SART3: variants seen among roughly 807,000 people sequenced by gnomAD.
SART3 encodes spliceosome associated factor 3, U4/U6 recycling protein.
A neutral mutation model predicts 122.3 loss-of-function variants in SART3; 44 were observed. That is an observed-to-expected ratio of 0.36 (90% CI 0.28 to 0.46). The LOEUF (loss-of-function observed/expected upper bound fraction) is 0.46, where lower values mean the gene tolerates loss of function less well. Ranked by LOEUF, SART3 falls within the 20% of genes least tolerant of loss-of-function variation. The pLI is 1.00. For missense variants in SART3, 1,101 were observed against 1,229.0 expected (o/e 0.90, Z 1.56); for synonymous variants, 442 against 454.0 (o/e 0.97, Z 0.34).
intron 2 of SART3, 112 bp downstream of exon 2, chr12:108,548,976 C>T: frequency 6.5e-7 from 1 of 1,530,692 alleles, no homozygotes; most frequent in Non-Finnish European, 9.0e-7. Context: ...CTTCTTTCCA[C>T]TACACTGAAC....
intron 1 of SART3, among the ~76,000 whole-genome samples, chr12:108,559,712 GT>G (rs1437355641): frequency 4.2e-5 from 6 of 144,134 alleles, no homozygotes; most frequent in African/African-American, 1.5e-4. Context: ...CATCTCTTCT[GT>G]TTGCCCCCTC....
intron 15 of SART3, among the ~76,000 whole-genome samples, chr12:108,528,812 T>C (rs1214793515): frequency 6.6e-6 from 1 of 152,066 alleles, no homozygotes; most frequent in African/African-American, 2.4e-5. Context: ...GGAGCCAAGT[T>C]TCTCAAGGTC....
chr12:108,543,069 G>C lies in SART3; in HGVS notation c.865C>G (p.Leu289Val), dbSNP rs1281448757. ...GGTTTATATTTCTCCAGCTGCTGTAGTGCTTTGTTATAGTTCTGAATTACT... is the reference window on the plus strand; with the variant it reads ...GGTTTATATTTCTCCAGCTGCTGTACTGCTTTGTTATAGTTCTGAATTACT... The part of the protein sequence containing the change: ...ESVIQNYNKA[L>V]QQLEKYKPYE... Residue 289 changes from leucine (L) to valine (V), a missense_variant, in exon 6 of 19, where the codon CTA (leucine) becomes GTA (valine). Leu to Val is a conservative substitution (Grantham distance 32). Transcript: ENST00000546815. The C allele has an allele frequency of 1.2e-6, 2 of 1,614,102 alleles. No individual in the cohort carries two copies. Among genetic ancestry groups the C allele is most frequent in the African/African-American group, 2.7e-5 (2 of 74,950 alleles).
chr12:108,528,229 TAAC>T (rs1220748435), intron 15 of SART3, among the ~76,000 whole-genome samples: 1 of 152,048 alleles, frequency 6.6e-6, no homozygotes, highest in Admixed American at 6.5e-5. Context: ...ATGCCTGTAA[TAAC>T]AGCACTTTGG....
rs2030502659 is a variant in SART3, at chr12:108,560,876, T to C, written c.279A>G (p.Lys93=). The change falls in exon 1 of 19, where the codon AAA becomes AAG. Residue 93 remains lysine, a synonymous_variant. Coordinates refer to ENST00000546815, the MANE Select transcript of SART3 (RefSeq NM_014706.4). ...CCAGTCTCTCAATCTCCAGCTGGTT[T>C]TTCTCCTCCTCTTCGTCATATTCCC... ...YEWEYDEEEE[K]NQLEIERLEE... The C allele has an allele frequency of 1.2e-6, 2 of 1,604,574 alleles. No homozygotes were observed. The highest frequency in any genetic ancestry group is 1.7e-6 in the Non-Finnish European group (2 of 1,172,806).
intron 1 of SART3, among the ~76,000 whole-genome samples, chr12:108,555,311 C>T (rs556869773): frequency 1.2e-4 from 19 of 152,282 alleles, no homozygotes; most frequent in African/African-American, 4.3e-4. Flanking sequence ...CCTAGAAATA[C>T]ATCTAACAAA....
intron 15 of SART3, among the ~76,000 whole-genome samples, chr12:108,528,405 C>T (rs939042501): frequency 1.3e-5 from 2 of 151,596 alleles, no homozygotes; most frequent in Admixed American, 6.6e-5. Context: ...ATCACTTGAA[C>T]CCAGGAGGCG....
At chr12:108,555,470 G>C (rs1407286180) in intron 1 of SART3, among the ~76,000 whole-genome samples, 1 of 152,174 alleles carries the variant, frequency 6.6e-6, no homozygotes, top group Non-Finnish European at 1.5e-5. Context: ...TTCAAGACCA[G>C]CCTGGGCAAC....
chr12:108,529,308 C>A (rs1872542389), intron 15 of SART3, among the ~76,000 whole-genome samples: 2 of 152,098 alleles, frequency 1.3e-5, no homozygotes, highest in South Asian at 4.1e-4. Flanking sequence ...CACACGCACA[C>A]ACACACACAC....
At chr12:108,560,622 G>A (rs1180753079) in intron 1 of SART3, 21 of 505,116 alleles carry the variant, frequency 4.2e-5, no homozygotes, top group Non-Finnish European at 6.6e-5. Flanking sequence ...TAGATAACAG[G>A]GCTTCCTTCA....
At chr12:108,524,189 G>A (rs1872259092) in intron 18 of SART3, 127 bp downstream of exon 18, 4 of 863,282 alleles carry the variant, frequency 4.6e-6, no homozygotes, top group Non-Finnish European at 5.8e-6. Flanking sequence ...ATTACCACAA[G>A]GAACAGCACA....
At position 108,522,277 on chromosome 12, in the gene SART3, T is replaced by C. The variant is rs1043172241; in HGVS notation, c.*1180A>G. Among the ~76,000 whole-genome samples, 2 of 152,174 alleles carry C rather than the reference T, an allele frequency of 1.3e-5. No individual in the cohort carries two copies. The highest frequency in any genetic ancestry group is 2.9e-5 in the Non-Finnish European group (2 of 68,022). On this transcript the variant is annotated 3_prime_UTR_variant, in exon 19 of 19. Coordinates refer to ENST00000546815, the MANE Select transcript of SART3 (RefSeq NM_014706.4). Reference sequence around the variant, plus strand: ...CTTTTTAATCGGTTATATTAAAAAATGTTAAGTTAAAAAAATATAGAAAAC... The same window carrying C: ...CTTTTTAATCGGTTATATTAAAAAACGTTAAGTTAAAAAAATATAGAAAAC...
Position 108,523,568 on chromosome 12 carries a change from A to T in SART3, c.2781T>A (p.Ala927=). Residue 927 remains alanine (A), a synonymous_variant, in exon 19 of 19, where the codon GCT becomes GCA. Transcript: ENST00000546815. ...CGGCAGGGCCGTTCTCAGCCTGAGG[A>T]GCTGCAGCACTTGGGCGCTGCAGGG... ...PRALQRPSAA[A]PQAENGPAAA... 6.2e-7 allele frequency: 1 copy of T among 1,614,080 alleles called. No homozygotes were observed. The highest frequency in any genetic ancestry group is 8.5e-7 in the Non-Finnish European group (1 of 1,179,988).
intron 15 of SART3, among the ~76,000 whole-genome samples, chr12:108,528,092 ACT>A (rs1021864111): frequency 6.6e-5 from 10 of 152,038 alleles, no homozygotes; most frequent in African/African-American, 2.2e-4. Context: ...ACCTTGACTG[ACT>A]CTCTGAAATA....
In SART3 at chr12:108,545,219, C is replaced by A. The variant is rs1335224971; in HGVS notation, c.649G>T (p.Val217Phe). 3 of 1,614,182 alleles carry A rather than the reference C, an allele frequency of 1.9e-6. No individual in the cohort carries two copies. The highest frequency in any genetic ancestry group is 1.7e-6 in the Non-Finnish European group (2 of 1,180,026). Residue 217 changes from valine (V) to phenylalanine (F), a missense_variant, in exon 4 of 19, where the codon GTT (valine) becomes TTT (phenylalanine). Physicochemically the swap from Val to Phe is conservative, Grantham distance 50 (BLOSUM62 -1). Around this residue, in one of 2 missense-constraint regions of SART3, gnomAD observed 885 missense variants for 1,080.1 expected, o/e 0.82. Transcript: ENST00000546815. ...RSVFERALSS[V>F]GLHMTKGLAL... Reference sequence around the variant, plus strand: ...AGTCCTTTGGTCATATGTAAACCAACAGACGAGAGAGCCCTTTCAAACACG... The same window carrying A: ...AGTCCTTTGGTCATATGTAAACCAAAAGACGAGAGAGCCCTTTCAAACACG...
chr12:108,554,352 A>C (rs932206067), intron 1 of SART3, among the ~76,000 whole-genome samples: 2 of 152,232 alleles, frequency 1.3e-5, no homozygotes, highest in Non-Finnish European at 2.9e-5. Context: ...TAATACAAAA[A>C]TCCTAAATAA....
intron 13 of SART3, 23 bp from the exon 14 acceptor site, chr12:108,531,303 C>T (rs1372243448): frequency 6.3e-7 from 1 of 1,587,356 alleles, no homozygotes; most frequent in Non-Finnish European, 8.7e-7. Context: ...AGAAGCAAAA[C>T]TTTCACTCTT....
In SART3 at chr12:108,526,406, A is replaced by G. The variant is rs373073522; in HGVS notation, c.2063T>C (p.Leu688Pro). 22 of 1,613,980 alleles carry G rather than the reference A, an allele frequency of 1.4e-5. No individual in the cohort carries two copies. Among genetic ancestry groups the G allele is most frequent in the African/African-American group, 4.0e-5 (3 of 74,924 alleles). Residue 688 changes from leucine (L) to proline (P), a missense_variant, in exon 16 of 19, where the codon CTG (leucine) becomes CCG (proline). By Grantham distance (98) the Leu-to-Pro change is moderately conservative. Transcript: ENST00000546815. ...PSKQKEKAAS[L>P]KRDMPKVLHD... ...CAGCACCTTGGGCATGTCCCTCTTC[A>G]GGGAGGCTGCCTTCTCCTTCTGCTT...
In SART3 at chr12:108,522,385, G is replaced by A. The variant is rs950810402; in HGVS notation, c.*1072C>T. On this transcript the variant is annotated 3_prime_UTR_variant, in exon 19 of 19. Transcript: ENST00000546815. ...ACGACATATACAAGGATTCCCTGAC[G>A]TCTTTCTCCAGAGTGTCTTAATAAA... is the stretch of plus-strand genomic sequence containing the variant. Among the ~76,000 whole-genome samples, 8 of 152,204 alleles carry A rather than the reference G, an allele frequency of 5.3e-5. No homozygotes were observed. In the East Asian group the frequency reaches 7.7e-4, roughly 15 times the overall value.
Sources: allele counts gnomAD v4.1 joint callset (sites outside exome capture counted in the v4.1 genomes callset), GRCh38; gene constraint gnomAD v4.1.1; regional missense constraint gnomAD v4.1.1; transcripts MANE v1.5; gene names NCBI Gene and HGNC (gene_info 2026-07-23, HGNC 2026-07-21).